Variants in PTPRT observed in about 807,000 individuals in gnomAD.
PTPRT encodes the protein protein tyrosine phosphatase receptor type T.
A neutral mutation model predicts 176.8 loss-of-function variants in PTPRT; 56 were observed. That is an observed-to-expected ratio of 0.32 (90% CI 0.26 to 0.40). The LOEUF (loss-of-function observed/expected upper bound fraction) is 0.40. Among genes scored for constraint, PTPRT ranks in the 10% least tolerant of loss-of-function variants. The pLI is 1.00. For missense variants in PTPRT, 1,540 were observed against 1,908.2 expected, an observed-to-expected ratio of 0.81 and a Z score of 3.60; for synonymous variants, 783 against 739.0, an observed-to-expected ratio of 1.06 and a Z score of -0.96.
chr20:42,408,273 G>T (rs1354217460), intron 9 of PTPRT, among the ~76,000 whole-genome samples: 1 of 151,978 alleles, frequency 6.6e-6, no homozygotes, highest in Non-Finnish European at 1.5e-5. Context: ...GTATATTATT[G>T]GTCCAGAAAT....
At chr20:43,068,381 C>A (rs937956497) in intron 1 of PTPRT, among the ~76,000 whole-genome samples, 2 of 151,168 alleles carry the variant, frequency 1.3e-5, no homozygotes, top group African/African-American at 4.9e-5. Context: ...GGCGGGGAAC[C>A]TGTAGTCCCA....
At chr20:42,109,498 T>TAAG (rs1165343780) in intron 23 of PTPRT, among the ~76,000 whole-genome samples, 1 of 152,216 alleles carries the variant, frequency 6.6e-6, no homozygotes, top group Non-Finnish European at 1.5e-5. Flanking sequence ...TTCTTCATAA[T>TAAG]AAGGTAAAAC....
chr20:42,147,859 T>G (rs1374981141), intron 17 of PTPRT, among the ~76,000 whole-genome samples: 1 of 151,722 alleles, frequency 6.6e-6, no homozygotes, highest in Admixed American at 6.6e-5. Flanking sequence ...TGGGAGGGAG[T>G]GGTAATGACC....
chr20:42,062,681 C>T, the PTPRT span, among the ~76,000 whole-genome samples: 1 of 152,214 alleles, frequency 6.6e-6, no homozygotes, highest in Non-Finnish European at 1.5e-5. Context: ...GCCTCTGCCC[C>T]CTTTTTTTCC....
chr20:42,397,032 A>C (rs2425488), intron 9 of PTPRT, among the ~76,000 whole-genome samples: 102,736 of 151,926 alleles, frequency 0.68, 35,094 homozygotes, highest in East Asian at 0.78. Context: ...GCTTTTTTTT[A>C]CCTGACAGCA....
chr20:42,175,124 G>A (rs190216372), intron 16 of PTPRT, among the ~76,000 whole-genome samples: 17 of 152,226 alleles, frequency 1.1e-4, no homozygotes, highest in Non-Finnish European at 1.9e-4. Flanking sequence ...AATAAGGCAT[G>A]AGAACTTTTT....
intron 1 of PTPRT, among the ~76,000 whole-genome samples, chr20:42,989,349 T>C (rs962306366): frequency 1.3e-5 from 2 of 152,236 alleles, no homozygotes; most frequent in African/African-American, 4.8e-5. Flanking sequence ...AGGAAATATT[T>C]GTGTGAGCAG....
chr20:42,188,669 C>G (rs1302955607), intron 16 of PTPRT, among the ~76,000 whole-genome samples: 2 of 152,128 alleles, frequency 1.3e-5, no homozygotes, highest in African/African-American at 4.8e-5. Flanking sequence ...TACCTAGCAA[C>G]TATATATTTA....
At chr20:42,369,345 C>T (rs574276940) in intron 9 of PTPRT, among the ~76,000 whole-genome samples, 17 of 152,298 alleles carry the variant, frequency 1.1e-4, no homozygotes, top group African/African-American at 3.4e-4. Flanking sequence ...ACCGTGAGAG[C>T]ACTCCAACAA....
At chr20:43,054,580 A>C (rs897614013) in intron 1 of PTPRT, among the ~76,000 whole-genome samples, 7 of 151,900 alleles carry the variant, frequency 4.6e-5, no homozygotes, top group Non-Finnish European at 8.8e-5. Flanking sequence ...AAAAAAAAAA[A>C]AAAAACAACC....
At chr20:42,058,987 GT>G in the PTPRT span, among the ~76,000 whole-genome samples, 5 of 152,300 alleles carry the variant, frequency 3.3e-5, no homozygotes, top group East Asian at 9.7e-4. Context: ...CTGGGGAGGG[GT>G]TAAAAGATCC....
intron 12 of PTPRT, among the ~76,000 whole-genome samples, chr20:42,308,465 T>C (rs1043104398): frequency 1.3e-5 from 2 of 152,148 alleles, no homozygotes; most frequent in African/African-American, 2.4e-5. Flanking sequence ...TGTGCTTCTA[T>C]GTGGAGTTTA....
intron 1 of PTPRT, among the ~76,000 whole-genome samples, chr20:42,984,201 T>G (rs1983438691): frequency 6.6e-6 from 1 of 152,234 alleles, no homozygotes; most frequent in Non-Finnish European, 1.5e-5. Context: ...TGAGTGTATA[T>G]GCAGGCTCAC....
intron 8 of PTPRT, among the ~76,000 whole-genome samples, chr20:42,457,936 T>C (rs1001912925): frequency 5.3e-5 from 8 of 152,144 alleles, no homozygotes; most frequent in Non-Finnish European, 1.2e-4. Flanking sequence ...CAAATAAAGA[T>C]GACCAGGGCA....
intron 13 of PTPRT, among the ~76,000 whole-genome samples, chr20:42,277,313 G>A (rs1040421597): frequency 3.9e-5 from 6 of 152,138 alleles, no homozygotes; most frequent in Admixed American, 3.3e-4. Flanking sequence ...TCAATGACTC[G>A]GCTCAGTTTG....
At chr20:42,180,961 C>T (rs758805400) in intron 16 of PTPRT, among the ~76,000 whole-genome samples, 21 of 152,178 alleles carry the variant, frequency 1.4e-4, no homozygotes, top group Non-Finnish European at 2.8e-4. Flanking sequence ...TCTCCCTGAA[C>T]CTCAATCTCC....
intron 9 of PTPRT, among the ~76,000 whole-genome samples, chr20:42,446,903 T>C (rs1215091854): frequency 6.6e-6 from 1 of 152,118 alleles, no homozygotes; most frequent in South Asian, 2.1e-4. Context: ...CCAAGCTCCC[T>C]GCAACTTCTA....
At chr20:42,345,035 T>A (rs2058167252) in intron 11 of PTPRT, among the ~76,000 whole-genome samples, 1 of 152,080 alleles carries the variant, frequency 6.6e-6, no homozygotes, top group African/African-American at 2.4e-5. Flanking sequence ...AAGGGCTGCC[T>A]CTCTACTGAA....
chr20:43,027,058 T>C (rs1198354932), intron 1 of PTPRT, among the ~76,000 whole-genome samples: 1 of 152,164 alleles, frequency 6.6e-6, no homozygotes, highest in Non-Finnish European at 1.5e-5. Context: ...CTCTTCAATA[T>C]ACTGAGTTCC....
Sources: allele counts gnomAD v4.1 joint callset (sites outside exome capture counted in the v4.1 genomes callset), GRCh38; gene constraint gnomAD v4.1.1; transcripts MANE v1.5; gene names NCBI Gene and HGNC (gene_info 2026-07-23, HGNC 2026-07-21).